The following CNTN1 variants were observed in gnomAD, a reference collection of about 807,000 sequenced individuals.
The protein encoded by CNTN1 is contactin-1.
A neutral mutation model predicts 126.4 loss-of-function variants in CNTN1; 38 were observed. The ratio of observed to expected loss-of-function variants is 0.30; its 90% CI spans 0.23 to 0.39. The LOEUF is 0.39. Ranked by LOEUF, CNTN1 falls within the 10% of genes least tolerant of loss-of-function variation. The probability of loss-of-function intolerance (pLI) is 1.00; values close to 1 mark genes in which losing one functional copy is unlikely to be tolerated. For synonymous variants in CNTN1, 413 were observed against 422.6 expected (o/e 0.98, Z 0.28); for missense variants, 1,009 against 1,248.4 (o/e 0.81, Z 2.89).
chr12:40,986,730 T>C (rs12426496), intron 16 of CNTN1, among the ~76,000 whole-genome samples: 2,991 of 152,242 alleles, frequency 0.02, 54 homozygotes, highest in Non-Finnish European at 0.03. Flanking sequence ...TATCTCATGT[T>C]TGTAGTATCG....
At chr12:40,879,226 T>C (rs770058164) in intron 1 of CNTN1, among the ~76,000 whole-genome samples, 1 of 152,160 alleles carries the variant, frequency 6.6e-6, no homozygotes, top group Non-Finnish European at 1.5e-5. Context: ...CACTTTACTG[T>C]TTCTTTATAG....
At chr12:40,797,654 G>T (rs1400088491) in intron 1 of CNTN1, among the ~76,000 whole-genome samples, 2 of 152,056 alleles carry the variant, frequency 1.3e-5, no homozygotes, top group African/African-American at 2.4e-5. Context: ...TCTTCTAGGT[G>T]CTCTGATAGA....
chr12:40,824,382 G>A (rs9668397), intron 1 of CNTN1, among the ~76,000 whole-genome samples: 39 of 152,034 alleles, frequency 2.6e-4, no homozygotes, highest in African/African-American at 8.9e-4. Context: ...AGCCTTGAGA[G>A]GAAATAAATT....
intron 1 of CNTN1, among the ~76,000 whole-genome samples, chr12:40,713,271 A>C (rs1941969794): frequency 6.7e-6 from 1 of 150,334 alleles, no homozygotes; most frequent in East Asian, 2.0e-4. Context: ...GATTTATGTC[A>C]TCTAGAGGAG....
chr12:40,943,943 A>G (rs923443714), intron 13 of CNTN1, 52 bp from the exon 14 acceptor site: 11 of 1,528,214 alleles, frequency 7.2e-6, no homozygotes, highest in Non-Finnish European at 9.9e-6. Flanking sequence ...ATACCAGATA[A>G]TATTGTGTCT....
chr12:41,062,750 C>A (rs951314897), intron 23 of CNTN1, among the ~76,000 whole-genome samples: 3 of 152,156 alleles, frequency 2.0e-5, no homozygotes, highest in Non-Finnish European at 4.4e-5. Context: ...ATTAACCATA[C>A]AATAAAGTAG....
intron 14 of CNTN1, among the ~76,000 whole-genome samples, chr12:40,953,766 A>G (rs1337795503): frequency 1.3e-5 from 2 of 151,012 alleles, no homozygotes; most frequent in Admixed American, 1.3e-4. Flanking sequence ...TGTGCTTTTT[A>G]TTACATGTGA....
At chr12:40,709,750 A>G (rs1212088866) in intron 1 of CNTN1, among the ~76,000 whole-genome samples, 1 of 152,172 alleles carries the variant, frequency 6.6e-6, no homozygotes, top group East Asian at 1.9e-4. Flanking sequence ...CTCATGAACC[A>G]ACCTCTGCTA....
chr12:40,834,376 A>G (rs568494617), intron 1 of CNTN1, among the ~76,000 whole-genome samples: 1 of 152,338 alleles, frequency 6.6e-6, no homozygotes, highest in East Asian at 1.9e-4. Context: ...TTTGAGAAAT[A>G]AACTTTTGAA....
At chr12:41,023,253 C>T (rs1948965355) in intron 20 of CNTN1, among the ~76,000 whole-genome samples, 1 of 152,144 alleles carries the variant, frequency 6.6e-6, no homozygotes. Context: ...CTGACTCCTG[C>T]CTGATTGACA....
chr12:40,981,525 A>C (rs999679040), intron 16 of CNTN1, among the ~76,000 whole-genome samples: 3 of 152,162 alleles, frequency 2.0e-5, no homozygotes, highest in Non-Finnish European at 4.4e-5. Context: ...ATAACCCTTT[A>C]TGTGAATGAT....
intron 4 of CNTN1, among the ~76,000 whole-genome samples, chr12:40,921,701 A>T (rs1300305735): frequency 6.6e-6 from 1 of 152,200 alleles, no homozygotes. Context: ...GTGGCTCGGA[A>T]TAAATTTTTA....
At chr12:40,894,341 C>A (rs889431889) in intron 1 of CNTN1, among the ~76,000 whole-genome samples, 1 of 152,058 alleles carries the variant, frequency 6.6e-6, no homozygotes, top group Non-Finnish European at 1.5e-5. Context: ...ATTGTTAAAA[C>A]CCACAGCAGA....
At chr12:40,975,888 A>T (rs1947657868) in intron 15 of CNTN1, among the ~76,000 whole-genome samples, 1 of 152,180 alleles carries the variant, frequency 6.6e-6, no homozygotes, top group South Asian at 2.1e-4. Flanking sequence ...TCCACTCTTG[A>T]TGACATCCTG....
chr12:40,797,912 C>T (rs1273702406), intron 1 of CNTN1, among the ~76,000 whole-genome samples: 1 of 151,918 alleles, frequency 6.6e-6, no homozygotes, highest in East Asian at 1.9e-4. Context: ...AAGATGATCC[C>T]ATTTTATGGG....
At chr12:41,038,938 C>G (rs1949332539) in intron 23 of CNTN1, among the ~76,000 whole-genome samples, 1 of 151,992 alleles carries the variant, frequency 6.6e-6, no homozygotes, top group African/African-American at 2.4e-5. Flanking sequence ...AAGAAGTTAT[C>G]TGGAGAGAAG....
At chr12:41,017,859 A>T (rs1049733181) in intron 19 of CNTN1, among the ~76,000 whole-genome samples, 1 of 152,096 alleles carries the variant, frequency 6.6e-6, no homozygotes, top group Non-Finnish European at 1.5e-5. Flanking sequence ...AGGGAGGCTG[A>T]GGCAGGTGGA....
At chr12:40,875,328 T>C (rs1943632408) in intron 1 of CNTN1, among the ~76,000 whole-genome samples, 3 of 152,154 alleles carry the variant, frequency 2.0e-5, no homozygotes, top group Non-Finnish European at 4.4e-5. Context: ...TTGACATTAA[T>C]ACAGTCAAGA....
At chr12:40,703,377 G>GC (rs1812419581) in intron 1 of CNTN1, among the ~76,000 whole-genome samples, 1 of 152,018 alleles carries the variant, frequency 6.6e-6, no homozygotes, top group Non-Finnish European at 1.5e-5. Context: ...AAACTCCCCT[G>GC]CTTTCATCGT....
Sources: allele counts gnomAD v4.1 joint callset (sites outside exome capture counted in the v4.1 genomes callset), GRCh38; gene constraint gnomAD v4.1.1; transcripts MANE v1.5; gene names NCBI Gene and HGNC (gene_info 2026-07-23, HGNC 2026-07-21).